The following HDAC8 variants were observed in gnomAD, a reference collection of about 807,000 sequenced individuals.
The protein encoded by HDAC8 is histone deacetylase-like 1.
HDAC8 carries 1 observed loss-of-function variant against 32.2 expected under a neutral mutation model. That is an observed-to-expected ratio of 0.03 (90% CI 0.01 to 0.15). The LOEUF (loss-of-function observed/expected upper bound fraction) is 0.15. Among genes scored for constraint, HDAC8 ranks in the 10% least tolerant of loss-of-function variants. HDAC8 has a pLI of 1.00. For missense variants in HDAC8, 117 were observed against 300.0 expected, an observed-to-expected ratio of 0.39 and a Z score of 4.51; for synonymous variants, 108 against 113.9, an observed-to-expected ratio of 0.95 and a Z score of 0.33.
intron 9 of HDAC8, among the ~76,000 whole-genome samples, chrX:72,432,337 T>A (rs180875762): frequency 2.8e-4 from 31 of 110,458 alleles, no homozygotes; most frequent in Admixed American, 2.8e-3. Flanking sequence ...TTCAGTGGCT[T>A]CTGACTCTAA....
chrX:72,404,415 T>C (rs2045984491), intron 9 of HDAC8, among the ~76,000 whole-genome samples: 1 of 111,545 alleles, frequency 9.0e-6, no homozygotes, highest in South Asian at 3.7e-4. Context: ...CTTGCTATTG[T>C]AAAGCCTTTA....
chrX:72,393,278 A>C (rs1226288925), intron 9 of HDAC8, among the ~76,000 whole-genome samples: 1 of 111,791 alleles, frequency 8.9e-6, no homozygotes, highest in Admixed American at 9.5e-5. Context: ...GGAATTGTAC[A>C]GTGAAGAAAG....
At chrX:72,409,292 GTT>G (rs1319857512) in intron 9 of HDAC8, among the ~76,000 whole-genome samples, 2 of 111,302 alleles carry the variant, frequency 1.8e-5, no homozygotes, top group Non-Finnish European at 3.8e-5. Context: ...CTTCACGTTG[GTT>G]CAAGCTCTCA....
intron 10 of HDAC8, 80 bp from the exon 11 acceptor site, chrX:72,330,156 G>A: frequency 1.1e-6 from 1 of 875,615 alleles, no homozygotes; most frequent in Non-Finnish European, 1.7e-6. Context: ...TTTTTAAAAA[G>A]CACTTATATT....
intron 9 of HDAC8, among the ~76,000 whole-genome samples, chrX:72,454,044 T>C (rs908331866): frequency 4.5e-5 from 5 of 111,704 alleles, no homozygotes; most frequent in Non-Finnish European, 5.6e-5. Context: ...AAAAATGAAC[T>C]GAAGTTCCTA....
intron 4 of HDAC8, among the ~76,000 whole-genome samples, chrX:72,557,120 G>A (rs1168885236): frequency 2.7e-5 from 3 of 111,089 alleles, no homozygotes; most frequent in Non-Finnish European, 5.7e-5. Flanking sequence ...GGAGAATGGC[G>A]TGAACCCGGG....
At chrX:72,387,715 A>C (rs2045481917) in intron 9 of HDAC8, among the ~76,000 whole-genome samples, 1 of 112,088 alleles carries the variant, frequency 8.9e-6, no homozygotes, top group East Asian at 2.8e-4. Flanking sequence ...GGCACATAGT[A>C]ATCACTCCAT....
intron 9 of HDAC8, among the ~76,000 whole-genome samples, chrX:72,417,568 G>A (rs1230938874): frequency 8.9e-6 from 1 of 111,884 alleles, no homozygotes; most frequent in Non-Finnish European, 1.9e-5. Flanking sequence ...AGAAATCAGA[G>A]ATGACACAAA....
chrX:72,397,532 C>A (rs1359680677), intron 9 of HDAC8, among the ~76,000 whole-genome samples: 6 of 111,224 alleles, frequency 5.4e-5, no homozygotes, highest in African/African-American at 2.0e-4. Context: ...GTGAACTTAC[C>A]ATTGACCTTC....
chrX:72,569,133 C>A (rs1185035044), intron 2 of HDAC8, among the ~76,000 whole-genome samples: 1 of 112,119 alleles, frequency 8.9e-6, no homozygotes, highest in Non-Finnish European at 1.9e-5. Context: ...GGTAAGTAAA[C>A]AAAAGTAATT....
At chrX:72,429,431 T>C (rs1406896097) in intron 9 of HDAC8, among the ~76,000 whole-genome samples, 1 of 112,115 alleles carries the variant, frequency 8.9e-6, no homozygotes, top group Non-Finnish European at 1.9e-5. Flanking sequence ...TGACGAGGTA[T>C]TAGGCCTAAA....
intron 9 of HDAC8, among the ~76,000 whole-genome samples, chrX:72,445,620 T>C (rs1159985066): frequency 8.9e-6 from 1 of 111,955 alleles, no homozygotes; most frequent in Non-Finnish European, 1.9e-5. Context: ...GACATAGGCA[T>C]GGGCAAGGAC....
At chrX:72,421,765 A>G (rs2046498882) in intron 9 of HDAC8, among the ~76,000 whole-genome samples, 1 of 111,882 alleles carries the variant, frequency 8.9e-6, no homozygotes, top group African/African-American at 3.2e-5. Context: ...ATTCCTTCAT[A>G]TAGCTTCGAT....
At chrX:72,522,806 C>T (rs1328470499) in intron 4 of HDAC8, among the ~76,000 whole-genome samples, 1 of 112,290 alleles carries the variant, frequency 8.9e-6, no homozygotes, top group Non-Finnish European at 1.9e-5. Context: ...GATCTGAAAT[C>T]TCACTATCCA....
At chrX:72,557,823 T>A (rs1438154258) in intron 4 of HDAC8, among the ~76,000 whole-genome samples, 3 of 111,079 alleles carry the variant, frequency 2.7e-5, no homozygotes, top group African/African-American at 9.8e-5. Context: ...ATAAATAAAA[T>A]TGATAGACAA....
At chrX:72,502,304 A>G (rs2049246292) in intron 4 of HDAC8, among the ~76,000 whole-genome samples, 1 of 111,982 alleles carries the variant, frequency 8.9e-6, no homozygotes, top group Non-Finnish European at 1.9e-5. Flanking sequence ...TCATTCTACT[A>G]TAAAGACACA....
intron 4 of HDAC8, among the ~76,000 whole-genome samples, chrX:72,547,667 G>A (rs959826355): frequency 5.4e-5 from 6 of 111,101 alleles, no homozygotes; most frequent in Non-Finnish European, 9.4e-5. Context: ...GATTGCCTGG[G>A]TTTGAACCCA....
intron 4 of HDAC8, among the ~76,000 whole-genome samples, chrX:72,550,607 G>A (rs782057170): frequency 1.3e-4 from 14 of 110,319 alleles, no homozygotes; most frequent in Non-Finnish European, 2.3e-4. Flanking sequence ...ATGAAAGAAA[G>A]CTCATTGTAG....
In HDAC8 at chrX:72,568,776, C is replaced by G. The variant is rs1556142115; in HGVS notation, c.273G>C (p.Pro91=). ...KVSQEGDDDH[P]DSIEYGLGYD... ...TACCTAGCCCATATTCTATGGAGTC[C>G]GGATGATCATCATCGCCCTCTTGGC... Residue 91 remains proline (P), a synonymous_variant, in exon 3 of 11, where the codon CCG becomes CCC. Coordinates refer to ENST00000373573, the MANE Select transcript of HDAC8 (RefSeq NM_018486.3). 8.3e-7 allele frequency: 1 copy of G among 1,211,716 alleles called. No homozygotes were observed. Among genetic ancestry groups the G allele is most frequent in the East Asian group, 3.0e-5 (1 of 33,856 alleles).
Sources: gnomAD v4.1 joint callset for allele counts (sites outside exome capture counted in the v4.1 genomes callset) on GRCh38, gnomAD v4.1.1 for gene constraint, MANE v1.5 for transcripts, NCBI Gene and HGNC (gene_info 2026-07-23, HGNC 2026-07-21) for gene names.